The following SLC44A3 variants were observed in gnomAD, a reference collection of about 807,000 sequenced individuals.
The protein encoded by SLC44A3 is choline transporter-like protein 3.
In SLC44A3, 74 loss-of-function variants were observed where a neutral mutation model predicts 75.4. The observed-to-expected ratio is 0.98, with a 90% CI of 0.81 to 1.19. The LOEUF is 1.19. Among genes scored for constraint, SLC44A3 ranks in the 50% most tolerant of loss-of-function variants. The pLI, the probability that SLC44A3 is intolerant of heterozygous loss-of-function variation, is 0.00. For synonymous variants in SLC44A3, 310 were observed against 296.9 expected (o/e 1.04, Z -0.45); for missense variants, 700 against 778.6 (o/e 0.90, Z 1.20).
intron 12 of SLC44A3, among the ~76,000 whole-genome samples, chr1:94,879,764 G>A (rs1668743389): frequency 6.6e-6 from 1 of 151,340 alleles, no homozygotes; most frequent in Admixed American, 6.6e-5. Flanking sequence ...GTGTGAACCT[G>A]GGAGGCGGAG....
In SLC44A3 at chr1:94,837,852, C is replaced by A. The variant is rs1172124154; in HGVS notation, c.651C>A (p.Gly217=). The change falls in exon 6 of 15, where the codon GGC becomes GGA. Residue 217 remains glycine, a synonymous_variant. Transcript: ENST00000271227. ...TGTCGGGAAGAGATACAATCCTTGG[C>A]CTGTGTATCCTCGCATTAGGTAATT... The part of the protein sequence containing the change: ...GIMSGRDTIL[G]LCILALALSL... 2.5e-6 allele frequency: 4 copies of A among 1,598,418 alleles called. No homozygotes were observed. Among genetic ancestry groups the A allele is most frequent in the Non-Finnish European group, 3.4e-6 (4 of 1,175,720 alleles).
intron 12 of SLC44A3, among the ~76,000 whole-genome samples, chr1:94,876,025 G>A (rs184846971): frequency 2.4e-4 from 36 of 152,356 alleles, no homozygotes; most frequent in African/African-American, 8.7e-4. Context: ...GTGTTCAGAT[G>A]TGGGGATCTG....
chr1:94,879,860 A>C lies in SLC44A3; in HGVS notation c.1483-11270A>C, dbSNP rs1282675512. On this transcript the variant is annotated intron_variant, in intron 12 of 14. Transcript: ENST00000271227. ...TCTCAAAAAAAAAAAAAAAGAAAAA[A>C]AAAGGAAAAGGACTTGAAGAGACAT... 3.3e-5 allele frequency among the ~76,000 whole-genome samples: 5 copies of C among 152,134 alleles called. No individual in the cohort carries two copies. In the East Asian group the frequency reaches 9.6e-4, roughly 29 times the overall value.
chr1:94,876,946 G>A (rs1193817689), intron 12 of SLC44A3, among the ~76,000 whole-genome samples: 2 of 151,834 alleles, frequency 1.3e-5, no homozygotes, highest in Non-Finnish European at 2.9e-5. Context: ...GGCCCTGCTT[G>A]GGAAGTAGGA....
At chr1:94,842,564 A>G (rs1310255394) in intron 8 of SLC44A3, among the ~76,000 whole-genome samples, 1 of 152,212 alleles carries the variant, frequency 6.6e-6, no homozygotes, top group African/African-American at 2.4e-5. Flanking sequence ...TGTTCAGAGA[A>G]CTTGCTGCCT....
chr1:94,886,488 G>A (rs1669601477), intron 12 of SLC44A3, among the ~76,000 whole-genome samples: 1 of 152,018 alleles, frequency 6.6e-6, no homozygotes, highest in Non-Finnish European at 1.5e-5. Context: ...CATGTCTGTG[G>A]CTCATGTTGC....
chr1:94,826,908 G>A (rs1661427477), intron 3 of SLC44A3, among the ~76,000 whole-genome samples: 2 of 152,162 alleles, frequency 1.3e-5, no homozygotes, highest in African/African-American at 2.4e-5. Context: ...GGGTTTGGAA[G>A]CTGTAGCTGC....
chr1:94,877,402 G>A (rs1668408935), intron 12 of SLC44A3, among the ~76,000 whole-genome samples: 1 of 152,096 alleles, frequency 6.6e-6, no homozygotes, highest in Non-Finnish European at 1.5e-5. Context: ...CTCCCCACCT[G>A]GCCCCCTAAC....
intron 12 of SLC44A3, among the ~76,000 whole-genome samples, chr1:94,889,542 A>ACT (rs1669970863): frequency 1.8e-5 from 2 of 112,142 alleles, no homozygotes; most frequent in East Asian, 2.5e-4. Context: ...ACACACACAC[A>ACT]CACACACACA....
At chr1:94,831,674 T>C (rs12059284) in intron 5 of SLC44A3, among the ~76,000 whole-genome samples, 3,095 of 152,320 alleles carry the variant, frequency 0.02, 90 homozygotes, top group African/African-American at 0.067. Flanking sequence ...GGCGTGGATA[T>C]TTTCCCCCCA....
intron 10 of SLC44A3, among the ~76,000 whole-genome samples, chr1:94,857,852 C>T (rs1666093708): frequency 8.5e-6 from 1 of 117,688 alleles, no homozygotes. Context: ...CTTGCTCTGT[C>T]ATCCAGGCTG....
At chr1:94,827,767 G>A (rs1270801783) in intron 4 of SLC44A3, 124 bp downstream of exon 4, 16 of 1,198,812 alleles carry the variant, frequency 1.3e-5, no homozygotes, top group Admixed American at 2.3e-5. Flanking sequence ...CCTTGTGGGT[G>A]CCTCTTTTTG....
intron 9 of SLC44A3, among the ~76,000 whole-genome samples, chr1:94,856,927 C>T (rs752518939): frequency 3.3e-5 from 5 of 152,114 alleles, no homozygotes; most frequent in African/African-American, 4.8e-5. Context: ...GGTGGACTTT[C>T]ACCATGTTGA....
intron 5 of SLC44A3, among the ~76,000 whole-genome samples, chr1:94,833,113 C>T (rs1034220195): frequency 3.9e-4 from 60 of 152,206 alleles, no homozygotes; most frequent in African/African-American, 1.4e-3. Flanking sequence ...AGTCAGCCTC[C>T]CTTCTCCTCT....
Position 94,823,103 on chromosome 1 carries a change from C to G in SLC44A3, c.136-1390C>G, listed in dbSNP as rs186487987. On this transcript the variant is annotated intron_variant, in intron 2 of 14. Coordinates refer to ENST00000271227, the MANE Select transcript of SLC44A3 (RefSeq NM_001114106.3). ...CCACCCAGAAAAACTTTCCATTCTT[C>G]ACCACAGGCTTTCCAAAGGAAAGAA... Among the ~76,000 whole-genome samples, 19 of 152,240 alleles carry G rather than the reference C, an allele frequency of 1.2e-4. No homozygotes were observed. In the East Asian group the frequency reaches 3.3e-3, roughly 26 times the overall value.
At chr1:94,848,598 T>C (rs1571269342) in intron 9 of SLC44A3, among the ~76,000 whole-genome samples, 1 of 152,210 alleles carries the variant, frequency 6.6e-6, no homozygotes, top group East Asian at 1.9e-4. Context: ...GACCCCATGA[T>C]GTTTTGGAGC....
chr1:94,867,465 T>C, intron 12 of SLC44A3, 48 bp downstream of exon 12: 2 of 1,486,910 alleles, frequency 1.3e-6, no homozygotes, highest in Non-Finnish European at 1.8e-6. Context: ...GGTCCAAAGG[T>C]GGGCTTCATC....
At chr1:94,842,493 G>A (rs376055181) in intron 8 of SLC44A3, among the ~76,000 whole-genome samples, 4 of 152,184 alleles carry the variant, frequency 2.6e-5, no homozygotes, top group Non-Finnish European at 2.9e-5. Context: ...CTCAGCTTCC[G>A]CTGCCCTCTA....
intron 12 of SLC44A3, among the ~76,000 whole-genome samples, chr1:94,890,754 C>G (rs547591841): frequency 1.3e-4 from 20 of 152,230 alleles, no homozygotes; most frequent in African/African-American, 4.3e-4. Context: ...GGCCAAGGTA[C>G]AAGAATCGCT....
Sources: allele counts gnomAD v4.1 joint callset (sites outside exome capture counted in the v4.1 genomes callset), GRCh38; gene constraint gnomAD v4.1.1; transcripts MANE v1.5; gene names NCBI Gene and HGNC (gene_info 2026-07-23, HGNC 2026-07-21).